The following SAMD12 variants were observed in gnomAD, a reference collection of about 807,000 sequenced individuals.
SAMD12 encodes the protein sterile alpha motif domain-containing protein 12.
Under a neutral mutation model 15.0 loss-of-function variants are expected in SAMD12, and 9 were observed. That is an observed-to-expected ratio of 0.60 (90% confidence interval 0.36 to 1.05). The LOEUF (loss-of-function observed/expected upper bound fraction) is 1.05. Ranked by LOEUF, SAMD12 falls within the 50% of genes least tolerant of loss-of-function variation. The pLI is 0.01. For missense variants in SAMD12, 230 were observed against 234.2 expected, an observed-to-expected ratio of 0.98 and a Z score of 0.12; for synonymous variants, 86 against 90.1, an observed-to-expected ratio of 0.96 and a Z score of 0.25.
chr8:118,584,660 T>C (rs185327378), intron 1 of SAMD12, among the ~76,000 whole-genome samples: 4 of 152,258 alleles, frequency 2.6e-5, no homozygotes, highest in African/African-American at 7.2e-5. Flanking sequence ...CAAAATGAAT[T>C]TCACAAACAT....
At chr8:118,462,142 A>C (rs866634729) in intron 2 of SAMD12, among the ~76,000 whole-genome samples, 1 of 152,142 alleles carries the variant, frequency 6.6e-6, no homozygotes, top group South Asian at 2.1e-4. Context: ...TTTATTTCAA[A>C]TCTCTCTCAT....
intron 4 of SAMD12, among the ~76,000 whole-genome samples, chr8:118,362,570 T>A (rs184025074): frequency 1.3e-5 from 2 of 152,310 alleles, no homozygotes; most frequent in Non-Finnish European, 2.9e-5. Flanking sequence ...GTTTTCAGAA[T>A]CTCCATATAC....
chr8:118,198,414 G>T (rs762463331), intron 4 of SAMD12, among the ~76,000 whole-genome samples: 1 of 151,968 alleles, frequency 6.6e-6, no homozygotes, highest in Non-Finnish European at 1.5e-5. Context: ...ATTTTATTTG[G>T]GTACTCCCTA....
intron 2 of SAMD12, among the ~76,000 whole-genome samples, chr8:118,527,264 C>T (rs1381032961): frequency 6.6e-6 from 1 of 152,134 alleles, no homozygotes; most frequent in Non-Finnish European, 1.5e-5. Flanking sequence ...AAAATGCAAC[C>T]CTCATCATGT....
At chr8:118,495,614 C>A (rs929997984) in intron 2 of SAMD12, among the ~76,000 whole-genome samples, 2 of 150,540 alleles carry the variant, frequency 1.3e-5, no homozygotes, top group Non-Finnish European at 2.9e-5. Context: ...AGAATGGGAA[C>A]CTTGATCCCG....
At chr8:118,338,673 T>C (rs755143237) in intron 4 of SAMD12, among the ~76,000 whole-genome samples, 20 of 152,328 alleles carry the variant, frequency 1.3e-4, no homozygotes, top group Non-Finnish European at 2.5e-4. Context: ...GCAAATTAAC[T>C]ACTGGTTAAG....
intron 2 of SAMD12, among the ~76,000 whole-genome samples, chr8:118,481,770 G>A (rs947552741): frequency 6.6e-6 from 1 of 151,944 alleles, no homozygotes; most frequent in African/African-American, 2.4e-5. Context: ...ACAAAAAAGA[G>A]TTCCATTAAA....
chr8:118,274,331 G>A (rs1813427042), intron 4 of SAMD12, among the ~76,000 whole-genome samples: 2 of 152,124 alleles, frequency 1.3e-5, no homozygotes, highest in Non-Finnish European at 1.5e-5. Flanking sequence ...CCTGCATATG[G>A]CTTTGGCAAT....
intron 4 of SAMD12, among the ~76,000 whole-genome samples, chr8:118,270,271 G>T (rs1487413770): frequency 6.6e-6 from 1 of 152,124 alleles, no homozygotes; most frequent in Non-Finnish European, 1.5e-5. Flanking sequence ...GAATCTTGGG[G>T]GTGGAAGAGT....
intron 4 of SAMD12, among the ~76,000 whole-genome samples, chr8:118,368,459 G>T (rs115856555): frequency 6.6e-6 from 1 of 152,240 alleles, no homozygotes; most frequent in African/African-American, 2.4e-5. Context: ...TTTAAGGACT[G>T]AAAATATTAG....
chr8:118,314,004 A>T (rs1395066009), intron 4 of SAMD12, among the ~76,000 whole-genome samples: 1 of 152,028 alleles, frequency 6.6e-6, no homozygotes, highest in African/African-American at 2.4e-5. Flanking sequence ...TGAGGAGGTG[A>T]TTTGTGTCTT....
chr8:118,568,568 A>G (rs10505343), intron 2 of SAMD12, among the ~76,000 whole-genome samples: 37,522 of 152,112 alleles, frequency 0.25, 4,764 homozygotes, highest in Middle Eastern at 0.34. Flanking sequence ...GCTTAAGAAG[A>G]AAACCCTCAA....
chr8:118,136,695 T>C, the SAMD12 span, among the ~76,000 whole-genome samples: 3 of 152,188 alleles, frequency 2.0e-5, no homozygotes, highest in African/African-American at 7.2e-5. Flanking sequence ...AGCTGATGTC[T>C]TTGCTCCTGG....
intron 2 of SAMD12, among the ~76,000 whole-genome samples, chr8:118,544,614 T>C (rs959265807): frequency 2.6e-5 from 4 of 152,160 alleles, no homozygotes; most frequent in Non-Finnish European, 4.4e-5. Flanking sequence ...AAGTACTTGA[T>C]AGACATTATA....
At chr8:118,195,345 G>C (rs1819529351) in exon 5 of SAMD12, 2 of 152,204 alleles carry the variant, frequency 1.3e-5, no homozygotes, top group Non-Finnish European at 2.9e-5. Flanking sequence ...AGACTCAACT[G>C]TGTGTCCCCT....
intron 2 of SAMD12, among the ~76,000 whole-genome samples, chr8:118,515,507 G>A (rs746734310): frequency 1.2e-4 from 19 of 152,118 alleles, no homozygotes; most frequent in Middle Eastern, 3.4e-3. Flanking sequence ...ATAGCAATGC[G>A]AGAATGGACT....
At chr8:118,472,801 G>C (rs1334796541) in intron 2 of SAMD12, among the ~76,000 whole-genome samples, 1 of 151,772 alleles carries the variant, frequency 6.6e-6, no homozygotes. Flanking sequence ...GGTATACATT[G>C]CTGACTCAGA....
intron 4 of SAMD12, among the ~76,000 whole-genome samples, chr8:118,272,202 C>A (rs938440397): frequency 1.3e-5 from 2 of 152,236 alleles, no homozygotes; most frequent in Non-Finnish European, 2.9e-5. Context: ...TCTCTGTGTA[C>A]CCACAGGCTC....
chr8:118,295,044 T>C (rs1217771139), intron 4 of SAMD12, among the ~76,000 whole-genome samples: 1 of 152,144 alleles, frequency 6.6e-6, no homozygotes, highest in East Asian at 1.9e-4. Flanking sequence ...CAAACTTCTT[T>C]TTTTTTTACG....
Sources: allele counts gnomAD v4.1 joint callset (sites outside exome capture counted in the v4.1 genomes callset), GRCh38; gene constraint gnomAD v4.1.1; transcripts MANE v1.5; gene names NCBI Gene and HGNC (gene_info 2026-07-23, HGNC 2026-07-21).